CEP57L1: variants seen among roughly 807,000 people sequenced by gnomAD.
CEP57L1 encodes the protein centrosomal protein CEP57L1.
In CEP57L1, 37 loss-of-function variants were observed where a neutral mutation model predicts 61.0. The observed-to-expected ratio is 0.61, with a 90% confidence interval of 0.47 to 0.80. The LOEUF is 0.80. Among genes scored for constraint, CEP57L1 ranks in the 30% least tolerant of loss-of-function variants. The probability of loss-of-function intolerance (pLI) is 0.00; values close to 1 mark genes in which losing one functional copy is unlikely to be tolerated. For synonymous variants in CEP57L1, 137 were observed against 162.3 expected, an observed-to-expected ratio of 0.84 and a Z score of 1.19; for missense variants, 422 against 524.7, an observed-to-expected ratio of 0.80 and a Z score of 1.91.
In CEP57L1 at chr6:109,174,112, A is replaced by C. The variant is rs1189444497; in HGVS notation, c.*11142A>C. Among the ~76,000 whole-genome samples the C allele has an allele frequency of 6.6e-6, 1 of 151,926 alleles. No individual in the cohort carries two copies. Among genetic ancestry groups the C allele is most frequent in the Non-Finnish European group, 1.5e-5 (1 of 67,966 alleles). ...GAGTCTTGGTCTCAAAAAAAAAAAA[A>C]AACCTTGTGTTGGAAACCATCTCCA... On this transcript the variant is annotated 3_prime_UTR_variant, in exon 11 of 11. Coordinates refer to ENST00000517392, the MANE Select transcript of CEP57L1 (RefSeq NM_001271852.3).
intron 1 of CEP57L1, chr6:109,130,813 A>T (rs1005430666): frequency 3.9e-5 from 6 of 152,110 alleles, no homozygotes; most frequent in African/African-American, 1.2e-4. Context: ...CCAGAGGCAC[A>T]TGGTGGCCTT....
Position 109,133,985 on chromosome 6 carries a change from A to G in CEP57L1, c.-3-11234A>G, listed in dbSNP as rs1399571419. 7.2e-5 allele frequency among the ~76,000 whole-genome samples: 11 copies of G among 152,200 alleles called. 1 individual carries two copies. The South Asian group carries it at 1.7e-3, about 23-fold the overall frequency. Reference sequence around the variant, plus strand: ...CACAGCCGAATTCTACCAGAGGTACAAGGAGGAGCTGGTACCATTCCTTCT... The same window carrying G: ...CACAGCCGAATTCTACCAGAGGTACGAGGAGGAGCTGGTACCATTCCTTCT... On this transcript the variant is annotated intron_variant, in intron 1 of 10. Coordinates refer to ENST00000517392, the MANE Select transcript of CEP57L1 (RefSeq NM_001271852.3).
intron 1 of CEP57L1, chr6:109,130,703 A>G (rs1774089265): frequency 1.6e-5 from 2 of 123,908 alleles, no homozygotes; most frequent in East Asian, 2.2e-4. Context: ...AACACTTTTC[A>G]TTTGTTGTTT....
chr6:109,146,103 C>T (rs1771933044), intron 2 of CEP57L1, among the ~76,000 whole-genome samples: 1 of 151,796 alleles, frequency 6.6e-6, no homozygotes, highest in Admixed American at 6.6e-5. Flanking sequence ...AAATGGTAAT[C>T]TCTAGCAAGC....
intron 1 of CEP57L1, among the ~76,000 whole-genome samples, chr6:109,143,762 G>T (rs1771669346): frequency 6.6e-6 from 1 of 152,148 alleles, no homozygotes; most frequent in Non-Finnish European, 1.5e-5. Flanking sequence ...GGACTTCAGT[G>T]TGTAGTGACA....
At chr6:109,113,316 C>A (rs1380923766) in intron 1 of CEP57L1, among the ~76,000 whole-genome samples, 1 of 152,040 alleles carries the variant, frequency 6.6e-6, no homozygotes, top group African/African-American at 2.4e-5. Context: ...GGAGAAAAGC[C>A]CATGTCCTCC....
intron 1 of CEP57L1, among the ~76,000 whole-genome samples, chr6:109,101,413 A>C (rs1346278984): frequency 6.6e-6 from 1 of 152,174 alleles, no homozygotes; most frequent in Non-Finnish European, 1.5e-5. Flanking sequence ...CATTGTATGG[A>C]TATATCACAG....
rs542803256 is a variant in CEP57L1 at position 109,172,020 on chromosome 6, CT to C, written c.*9051del. 1.3e-3 allele frequency among the ~76,000 whole-genome samples: 192 copies of C among 152,162 alleles called. 1 individual carries two copies. The highest frequency in any genetic ancestry group is 4.5e-3 in the African/African-American group (186 of 41,526). On this transcript the variant is annotated 3_prime_UTR_variant, in exon 11 of 11. Coordinates refer to ENST00000517392, the MANE Select transcript of CEP57L1 (RefSeq NM_001271852.3). ...TGATTCACTGGAGGGACTCACAGAA[CT>C]CAGAAAAGCTGTTAAGTTATGGTTA...
chr6:109,159,509 A>C lies in CEP57L1; in HGVS notation c.1016+47A>C, dbSNP rs751996972. 3.2e-6 allele frequency: 5 copies of C among 1,556,778 alleles called. No homozygotes were observed. In the African/African-American group the frequency reaches 5.5e-5, roughly 17 times the overall value. On this transcript the variant is annotated intron_variant, in intron 9 of 10. Transcript: ENST00000517392. ...TTTTTTCAAGAGACAGTGTCTCGCT[A>C]TGTTGCCCAGGCTAGTCTTGAACTC...
Position 109,167,472 on chromosome 6 carries a change from A to G in CEP57L1, c.*4502A>G, listed in dbSNP as rs1477001322. On this transcript the variant is annotated 3_prime_UTR_variant, in exon 11 of 11. Transcript: ENST00000517392. ...CCGAGGCAGGCGGATCACCTAAGTC[A>G]GGAGTTCAACACCAGCCTGGCCAAT... Among the ~76,000 whole-genome samples the G allele has an allele frequency of 1.3e-5, 2 of 152,092 alleles. No individual in the cohort carries two copies. Among genetic ancestry groups the G allele is most frequent in the Non-Finnish European group, 2.9e-5 (2 of 68,020 alleles).
chr6:109,163,099 G>A lies in CEP57L1; in HGVS notation c.*129G>A, dbSNP rs982878672. ...TCTAGTTTCTATAAAACATGAAGTTGCAGTATTTAAAAATTAATGCCTAAT... is the reference window on the plus strand; with the variant it reads ...TCTAGTTTCTATAAAACATGAAGTTACAGTATTTAAAAATTAATGCCTAAT... On this transcript the variant is annotated 3_prime_UTR_variant, in exon 11 of 11. Coordinates refer to ENST00000517392, the MANE Select transcript of CEP57L1 (RefSeq NM_001271852.3). 35 of 653,054 alleles carry A rather than the reference G, an allele frequency of 5.4e-5. No homozygotes were observed. In the African/African-American group the frequency reaches 5.9e-4, roughly 11 times the overall value. 40.5% of individuals were successfully genotyped at this position (653,054 alleles called of 1,614,324 possible).
In CEP57L1 at chr6:109,165,706, G is replaced by A. The variant is rs544893788; in HGVS notation, c.*2736G>A. The A allele has an allele frequency of 6.6e-6, 1 of 152,332 alleles. No individual in the cohort carries two copies. Among genetic ancestry groups the A allele is most frequent in the African/African-American group, 2.4e-5 (1 of 41,572 alleles). The allele number at this position is 152,332 out of a possible 1,614,324, so 9.4% of individuals were successfully genotyped here. ...ACATTTATTATTGAGAGACAATGAA[G>A]AATGGTGTCTTGTTGCTTCATCACA... is the stretch of plus-strand genomic sequence containing the variant. On this transcript the variant is annotated 3_prime_UTR_variant, in exon 11 of 11. Transcript: ENST00000517392.
intron 9 of CEP57L1, 48 bp from the exon 10 acceptor site, chr6:109,160,524 A>G (rs562982789): frequency 2.1e-6 from 3 of 1,399,862 alleles, no homozygotes; most frequent in Non-Finnish European, 2.9e-6. Flanking sequence ...GCAAAGAAAT[A>G]TATGCAATAA....
rs1477835699 is a variant in CEP57L1, at chr6:109,167,203, TTG to T, written c.*4235_*4236del. On this transcript the variant is annotated 3_prime_UTR_variant, in exon 11 of 11. Transcript: ENST00000517392. ...TGTAACTTTGTCTTTCAATTCGTTTTTGTTTTTTTTTTCCTGTAAGGAGAATT... is the reference window on the plus strand; with the variant it reads ...TGTAACTTTGTCTTTCAATTCGTTTTTTTTTTTTTTCCTGTAAGGAGAATT... Among the ~76,000 whole-genome samples the T allele has an allele frequency of 2.8e-4, 1 of 3,566 alleles. No homozygotes were observed. Among genetic ancestry groups the T allele is most frequent in the African/African-American group, 3.1e-4 (1 of 3,200 alleles). The allele number at this position is 3,566 out of a possible 152,430, so 2.3% of individuals were successfully genotyped here.
Position 109,168,442 on chromosome 6 carries a change from T to C in CEP57L1, c.*5472T>C, listed in dbSNP as rs1441453768. On this transcript the variant is annotated 3_prime_UTR_variant, in exon 11 of 11. Transcript: ENST00000517392. ...ATTGACTTGCACAGAATTGTGTAAA[T>C]GATTGCCATTCACTTCCCTTATGAA... Among the ~76,000 whole-genome samples the C allele has an allele frequency of 2.6e-5, 4 of 152,210 alleles. No homozygotes were observed. The highest frequency in any genetic ancestry group is 5.9e-5 in the Non-Finnish European group (4 of 68,038).
intron 1 of CEP57L1, among the ~76,000 whole-genome samples, chr6:109,106,483 T>C (rs952688819): frequency 1.2e-4 from 18 of 152,222 alleles, no homozygotes; most frequent in Non-Finnish European, 2.4e-4. Context: ...CTCAATACTT[T>C]TCATTTATTT....
chr6:109,112,989 G>T (rs150019660), intron 1 of CEP57L1, among the ~76,000 whole-genome samples: 2,403 of 152,266 alleles, frequency 0.016, 28 homozygotes, highest in South Asian at 0.035. Context: ...ATATTCTGTT[G>T]ATTTGGGGTG....
At chr6:109,161,170 G>A (rs1217868166) in intron 10 of CEP57L1, among the ~76,000 whole-genome samples, 1 of 152,054 alleles carries the variant, frequency 6.6e-6, no homozygotes, top group East Asian at 1.9e-4. Context: ...CCCAAAACAA[G>A]CTGTTTTATG....
chr6:109,130,350 G>C (rs1028203455), intron 1 of CEP57L1, among the ~76,000 whole-genome samples: 1 of 152,032 alleles, frequency 6.6e-6, no homozygotes, highest in Non-Finnish European at 1.5e-5. Flanking sequence ...TCTGTGATTG[G>C]TTTATTTCAC....
Sources: gnomAD v4.1 joint callset for allele counts (sites outside exome capture counted in the v4.1 genomes callset) on GRCh38, gnomAD v4.1.1 for gene constraint, MANE v1.5 for transcripts, NCBI Gene and HGNC (gene_info 2026-07-23, HGNC 2026-07-21) for gene names.